Variants in ITGAX observed in about 807,000 individuals in gnomAD.
ITGAX encodes the protein integrin subunit alpha X.
In ITGAX, 99 loss-of-function variants were observed where a neutral mutation model predicts 140.2. The observed-to-expected ratio is 0.71, with a 90% CI of 0.60 to 0.83. ITGAX has a LOEUF of 0.83. Among genes scored for constraint, ITGAX ranks in the 40% least tolerant of loss-of-function variants. The pLI, the probability that ITGAX is intolerant of heterozygous loss-of-function variation, is 0.00. For missense variants in ITGAX, 1,444 were observed against 1,482.0 expected (o/e 0.97, Z 0.42); for synonymous variants, 631 against 600.4 (o/e 1.05, Z -0.75).
At chr16:31,373,140 G>A in intron 19 of ITGAX, 109 bp from the exon 20 acceptor site, 2 of 746,870 alleles carry the variant, frequency 2.7e-6, no homozygotes, top group Non-Finnish European at 2.0e-6. Context: ...AGAACCCAGG[G>A]GTCCGTCCCC....
At chr16:31,380,749 T>G (rs2081061797) in intron 28 of ITGAX, 125 bp downstream of exon 28, 3 of 1,332,628 alleles carry the variant, frequency 2.3e-6, no homozygotes, top group Non-Finnish European at 3.2e-6. Flanking sequence ...GCAGGATAGC[T>G]GTCCCTAAGG....
chr16:31,357,356 C>A lies in ITGAX; in HGVS notation c.422C>A (p.Ser141Tyr). 6.3e-7 allele frequency: 1 copy of A among 1,599,336 alleles called. No individual in the cohort carries two copies. Among genetic ancestry groups the A allele is most frequent in the Non-Finnish European group, 8.5e-7 (1 of 1,173,170 alleles). ...PTQLTQRLPVSRQECPRQEQD... is the reference protein window; with the variant it reads ...PTQLTQRLPVYRQECPRQEQD... The stretch of plus-strand genomic sequence containing the variant: ...CAGCTCACCCAGAGGCTCCCGGTGT[C>A]CAGGCAGGGTGAGTGTCGGGACCAC... The change falls in exon 5 of 30, where the codon TCC (serine) becomes TAC (tyrosine). Residue 141 changes from serine to tyrosine, a missense_variant. Coordinates refer to ENST00000268296, the MANE Select transcript of ITGAX (RefSeq NM_000887.5).
intron 3 of ITGAX, 42 bp from the exon 4 acceptor site, chr16:31,356,989 C>A: frequency 6.5e-7 from 1 of 1,540,110 alleles, no homozygotes; most frequent in Non-Finnish European, 8.8e-7. Flanking sequence ...ACAGCCTTCT[C>A]TGTACCCCCG....
intron 5 of ITGAX, 41 bp from the exon 6 acceptor site, chr16:31,359,659 A>T: frequency 6.2e-7 from 1 of 1,609,154 alleles, no homozygotes; most frequent in South Asian, 1.1e-5. Flanking sequence ...CCTGGACTCC[A>T]GGAGTGTCAC....
At position 31,377,044 on chromosome 16, in the gene ITGAX, G is replaced by A; in HGVS notation, c.2670G>A (p.Leu890=). The change falls in exon 22 of 30, where the codon CTG becomes CTA. Residue 890 remains leucine, a synonymous_variant. Transcript: ENST00000268296. ...ATFDVSPKAV[L]GDRLLLTANV... is the part of the protein sequence containing the mutation. Reference sequence around the variant, plus strand: ...TTGACGTCTCCCCCAAGGCTGTCCTGGGAGACCGGCTGCTTCTGACAGCCA... The same window carrying A: ...TTGACGTCTCCCCCAAGGCTGTCCTAGGAGACCGGCTGCTTCTGACAGCCA... 1 of 1,614,202 alleles carries A rather than the reference G, an allele frequency of 6.2e-7. No homozygotes were observed. Among genetic ancestry groups the A allele is most frequent in the Non-Finnish European group, 8.5e-7 (1 of 1,180,030 alleles).
Position 31,382,131 on chromosome 16 carries a change from G to T in ITGAX, c.*224G>T. The T allele has an allele frequency of 7.1e-7, 1 of 1,412,010 alleles. No individual in the cohort carries two copies. The allele number at this position is 1,412,010 out of a possible 1,614,324, so 87.5% of individuals were successfully genotyped here. ...AGGGTCCCTGCTGTGTTCCCCAAAGGACTTGACTTGCAATTTCTACCTAGA... is the reference window on the plus strand; with the variant it reads ...AGGGTCCCTGCTGTGTTCCCCAAAGTACTTGACTTGCAATTTCTACCTAGA... On this transcript the variant is annotated 3_prime_UTR_variant, in exon 30 of 30. Coordinates refer to ENST00000268296, the MANE Select transcript of ITGAX (RefSeq NM_000887.5).
chr16:31,378,460 T>C (rs1254866407), intron 23 of ITGAX, among the ~76,000 whole-genome samples: 1 of 150,756 alleles, frequency 6.6e-6, no homozygotes, highest in Non-Finnish European at 1.5e-5. Context: ...AGCTATGAGC[T>C]CTTTGCCTCA....
chr16:31,377,101 G>T, intron 22 of ITGAX, 22 bp downstream of exon 22: 2 of 1,613,696 alleles, frequency 1.2e-6, no homozygotes, highest in Non-Finnish European at 1.7e-6. Flanking sequence ...CAGGCCAGGG[G>T]CAGTGCCCCT....
chr16:31,379,087 A>AT (rs2081045063), intron 23 of ITGAX, among the ~76,000 whole-genome samples: 1 of 151,894 alleles, frequency 6.6e-6, no homozygotes, highest in South Asian at 2.1e-4. Context: ...AAGTGCTGGG[A>AT]TTATAGGCGT....
chr16:31,363,729 G>A (rs961092567), intron 14 of ITGAX, among the ~76,000 whole-genome samples: 1 of 152,268 alleles, frequency 6.6e-6, no homozygotes, highest in Non-Finnish European at 1.5e-5. Context: ...ATAGGCGTGA[G>A]CCACCATGCC....
At position 31,371,330 on chromosome 16, in the gene ITGAX, G is replaced by A. The variant is rs755118856; in HGVS notation, c.1842-4G>A. On this transcript the variant is annotated splice_region_variant and splice_polypyrimidine_tract_variant and intron_variant, in intron 15 of 29. Transcript: ENST00000268296. ...CTGTCCTCAGCTCGGTGCTCTGCCC[G>A]CAGGACCAGACCTGTGCTCTGGGTG... 30 of 1,613,620 alleles carry A rather than the reference G, an allele frequency of 1.9e-5. No individual in the cohort carries two copies. The highest frequency in any genetic ancestry group is 1.3e-4 in the East Asian group (6 of 44,876).
In ITGAX at chr16:31,362,662, G is replaced by C. The variant is rs1057405326; in HGVS notation, c.1268G>C (p.Gly423Ala). The change falls in exon 12 of 30, where the codon GGG (glycine) becomes GCG (alanine). Residue 423 changes from glycine to alanine, a missense_variant. Physicochemically the swap from Gly to Ala is moderately conservative, Grantham distance 60. Transcript: ENST00000268296. ...AAAGGGGTGCAGAGCCTGGTCCTGG[G>C]GGCCCCCCGCTACCAGCACACCGGG... ...LWKGVQSLVL[G>A]APRYQHTGKA... The C allele has an allele frequency of 1.2e-6, 2 of 1,613,468 alleles. No individual in the cohort carries two copies. The highest frequency in any genetic ancestry group is 1.7e-6 in the Non-Finnish European group (2 of 1,179,806).
Position 31,363,169 on chromosome 16 carries a change from G to C in ITGAX, c.1505G>C (p.Arg502Thr), listed in dbSNP as rs750381334. The change falls in exon 14 of 30, where the codon AGA becomes ACA. Residue 502 changes from arginine to threonine, a missense_variant. Transcript: ENST00000268296. ...GGCACTGCTTTTTTTCTGCAGTGGA[G>C]AAGGTGGTGGTGTGATGCTGTTCTC... ...VSVCPLPRGW[R>T]RWWCDAVLYG... 2 of 1,610,146 alleles carry C rather than the reference G, an allele frequency of 1.2e-6. No individual in the cohort carries two copies. The highest frequency in any genetic ancestry group is 3.4e-5 in the Admixed American group (2 of 59,030).
At chr16:31,380,772 C>A in intron 28 of ITGAX, 125 bp from the exon 29 acceptor site, 1 of 1,248,912 alleles carries the variant, frequency 8.0e-7, no homozygotes, top group Non-Finnish European at 1.2e-6. Context: ...ACGGGTGCTG[C>A]TGTGTCTCAC....
intron 14 of ITGAX, 97 bp downstream of exon 14, chr16:31,363,471 C>A (rs1597069341): frequency 1.5e-6 from 2 of 1,373,968 alleles, no homozygotes; most frequent in East Asian, 4.7e-5. Flanking sequence ...CTTTTCCTAC[C>A]TCCCTTGCCC....
chr16:31,356,762 G>C (rs1347309367), intron 3 of ITGAX, 34 bp downstream of exon 3: 3 of 1,469,496 alleles, frequency 2.0e-6, no homozygotes, highest in Non-Finnish European at 2.8e-6. Flanking sequence ...CCCAGGGCCG[G>C]GCTCCCAGGC....
chr16:31,376,589 CT>C (rs2081021154), intron 20 of ITGAX, among the ~76,000 whole-genome samples: 1 of 152,154 alleles, frequency 6.6e-6, no homozygotes, highest in African/African-American at 2.4e-5. Context: ...TGCATCACTG[CT>C]TTCTAGCCTG....
In ITGAX at chr16:31,377,252, A is replaced by G; in HGVS notation, c.2776A>G (p.Thr926Ala). The change falls in exon 23 of 30, where the codon ACT becomes GCT. Residue 926 changes from threonine to alanine, a missense_variant. Thr to Ala is a moderately conservative substitution (Grantham distance 58). Transcript: ENST00000268296. ...LELPVKYAVY[T>A]VVSSHEQFTK... The stretch of plus-strand genomic sequence containing the variant: ...GCTCCCGGTGAAGTATGCTGTCTAC[A>G]CTGTGGTTAGCAGGTCAGCAGGTAC... 2.5e-6 allele frequency: 4 copies of G among 1,613,278 alleles called. No individual in the cohort carries two copies. Among genetic ancestry groups the G allele is most frequent in the Non-Finnish European group, 3.4e-6 (4 of 1,179,868 alleles).
chr16:31,361,559 C>A (rs2080825822), intron 9 of ITGAX: 3 of 708,570 alleles, frequency 4.2e-6, no homozygotes, highest in Non-Finnish European at 2.5e-6. Context: ...CTCCCCTGGG[C>A]AAGGGGCACA....
Sources: gnomAD v4.1 joint callset for allele counts (sites outside exome capture counted in the v4.1 genomes callset) on GRCh38, gnomAD v4.1.1 for gene constraint, MANE v1.5 for transcripts, NCBI Gene and HGNC (gene_info 2026-07-23, HGNC 2026-07-21) for gene names.